The following DPP10 variants were observed in gnomAD, a reference collection of about 807,000 sequenced individuals.
The protein encoded by DPP10 is dipeptidyl peptidase like 10, also known as inactive dipeptidyl peptidase 10.
Under a neutral mutation model 120.9 loss-of-function variants are expected in DPP10, and 33 were observed. That is an observed-to-expected ratio of 0.27 (90% CI 0.21 to 0.37). DPP10 has a LOEUF of 0.37. DPP10 is among the 10% of genes least tolerant of loss of function. The probability of loss-of-function intolerance (pLI) is 1.00; values close to 1 mark genes in which losing one functional copy is unlikely to be tolerated. For synonymous variants in DPP10, 337 were observed against 326.1 expected, an observed-to-expected ratio of 1.03 and a Z score of -0.36; for missense variants, 816 against 942.8, an observed-to-expected ratio of 0.87 and a Z score of 1.76.
intron 3 of DPP10, among the ~76,000 whole-genome samples, chr2:115,379,385 G>A (rs2066097995): frequency 6.6e-6 from 1 of 152,120 alleles, no homozygotes; most frequent in African/African-American, 2.4e-5. Flanking sequence ...ATTTCTGTGG[G>A]ATCGGTGGTG....
intron 5 of DPP10, among the ~76,000 whole-genome samples, chr2:115,679,772 T>C (rs1344369947): frequency 1.3e-5 from 2 of 152,160 alleles, no homozygotes; most frequent in African/African-American, 2.4e-5. Context: ...GTGTATCACT[T>C]GTACGTGGGA....
At chr2:114,893,601 T>C (rs1692721930) in intron 1 of DPP10, among the ~76,000 whole-genome samples, 1 of 152,110 alleles carries the variant, frequency 6.6e-6, no homozygotes, top group Admixed American at 6.6e-5. Context: ...TTAACAGATA[T>C]GACAAGGCAG....
At chr2:115,390,097 G>T (rs569648735) in intron 3 of DPP10, among the ~76,000 whole-genome samples, 1 of 152,172 alleles carries the variant, frequency 6.6e-6, no homozygotes, top group East Asian at 1.9e-4. Flanking sequence ...TTTTTGCCTC[G>T]TCAGCTCTTA....
intron 1 of DPP10, among the ~76,000 whole-genome samples, chr2:115,286,678 G>C (rs1480720192): frequency 1.3e-5 from 2 of 149,318 alleles, no homozygotes; most frequent in Non-Finnish European, 3.0e-5. Flanking sequence ...AGTTTTGGAG[G>C]TGAGATGATA....
chr2:115,534,103 A>ATT (rs59470110), intron 5 of DPP10, among the ~76,000 whole-genome samples: 7 of 151,204 alleles, frequency 4.6e-5, no homozygotes, highest in Non-Finnish European at 8.8e-5. Context: ...TTATTTTTTT[A>ATT]TTTTTTATTT....
chr2:115,255,866 T>G (rs2058962566), intron 1 of DPP10, among the ~76,000 whole-genome samples: 2 of 152,230 alleles, frequency 1.3e-5, no homozygotes, highest in African/African-American at 4.8e-5. Context: ...CACATCTTCC[T>G]GTCTTCTGAG....
intron 1 of DPP10, among the ~76,000 whole-genome samples, chr2:115,284,270 CTTT>C (rs932702567): frequency 4.5e-4 from 68 of 152,128 alleles, no homozygotes; most frequent in African/African-American, 1.3e-3. Context: ...CAAATTACTT[CTTT>C]AATATTACTC....
intron 1 of DPP10, chr2:114,833,838 A>G (rs527477568): frequency 6.6e-6 from 1 of 152,176 alleles, no homozygotes; most frequent in Non-Finnish European, 1.5e-5. Flanking sequence ...ACAAGAATTG[A>G]TATGGTCAAA....
intron 1 of DPP10, among the ~76,000 whole-genome samples, chr2:114,610,622 T>G (rs199674104): frequency 6.6e-6 from 1 of 152,242 alleles, no homozygotes; most frequent in East Asian, 1.9e-4. Flanking sequence ...GGAATAGGAC[T>G]GTGTCCAGGG....
At chr2:115,433,062 A>T (rs1221241670) in intron 3 of DPP10, among the ~76,000 whole-genome samples, 1 of 152,002 alleles carries the variant, frequency 6.6e-6, no homozygotes, top group Non-Finnish European at 1.5e-5. Flanking sequence ...GACAGTAAGG[A>T]TTGGAGACCG....
At chr2:115,244,076 A>G (rs2058409641) in intron 1 of DPP10, among the ~76,000 whole-genome samples, 1 of 151,448 alleles carries the variant, frequency 6.6e-6, no homozygotes, top group African/African-American at 2.4e-5. Context: ...AAATAAGAAA[A>G]TAAATGCTTA....
chr2:115,177,867 C>G (rs1387733453), intron 1 of DPP10, among the ~76,000 whole-genome samples: 1 of 152,004 alleles, frequency 6.6e-6, no homozygotes, highest in Non-Finnish European at 1.5e-5. Flanking sequence ...AGGTTCATGC[C>G]ATTCTCCTGC....
intron 1 of DPP10, among the ~76,000 whole-genome samples, chr2:114,781,235 T>C (rs1242125946): frequency 1.3e-5 from 2 of 152,174 alleles, no homozygotes; most frequent in African/African-American, 4.8e-5. Context: ...CAAAATGTTC[T>C]GGTTTTCTAA....
At chr2:114,686,372 C>T (rs1046735065) in intron 1 of DPP10, among the ~76,000 whole-genome samples, 1 of 151,830 alleles carries the variant, frequency 6.6e-6, no homozygotes, top group African/African-American at 2.4e-5. Context: ...AACTAAGTTC[C>T]AGCAAACCAA....
At chr2:115,437,035 CTA>C (rs1437238839) in intron 3 of DPP10, among the ~76,000 whole-genome samples, 5 of 151,888 alleles carry the variant, frequency 3.3e-5, no homozygotes, top group South Asian at 2.1e-4. Flanking sequence ...AATCACCTGA[CTA>C]TGTGACGTTA....
intron 1 of DPP10, among the ~76,000 whole-genome samples, chr2:114,742,407 A>T (rs1308217576): frequency 6.6e-6 from 1 of 152,256 alleles, no homozygotes; most frequent in Non-Finnish European, 1.5e-5. Context: ...GAGCAATGGC[A>T]CGTAGATAGT....
intron 1 of DPP10, among the ~76,000 whole-genome samples, chr2:115,209,388 T>C (rs1055305004): frequency 1.3e-5 from 2 of 152,140 alleles, no homozygotes; most frequent in African/African-American, 2.4e-5. Context: ...TGGACATTTT[T>C]AATATATGTA....
At chr2:115,667,321 C>G (rs2089532937) in intron 5 of DPP10, among the ~76,000 whole-genome samples, 1 of 152,010 alleles carries the variant, frequency 6.6e-6, no homozygotes, top group Non-Finnish European at 1.5e-5. Context: ...TGAATAGTTT[C>G]TTTCACTGTG....
At chr2:115,278,367 C>T (rs576972662) in intron 1 of DPP10, among the ~76,000 whole-genome samples, 1 of 152,152 alleles carries the variant, frequency 6.6e-6, no homozygotes, top group Non-Finnish European at 1.5e-5. Flanking sequence ...GGAATAGTTA[C>T]TGATTTCACC....
Sources: allele counts gnomAD v4.1 joint callset (sites outside exome capture counted in the v4.1 genomes callset), GRCh38; gene constraint gnomAD v4.1.1; transcripts MANE v1.5; gene names NCBI Gene and HGNC (gene_info 2026-07-23, HGNC 2026-07-21).